The following TNS1 variants were observed in gnomAD, a reference collection of about 807,000 sequenced individuals.
The protein encoded by TNS1 is tensin-1.
Under a neutral mutation model 168.6 loss-of-function variants are expected in TNS1, and 62 were observed. That is an observed-to-expected ratio of 0.37 (90% CI 0.30 to 0.45). TNS1 has a LOEUF of 0.45. Ranked by LOEUF, TNS1 falls within the 20% of genes least tolerant of loss-of-function variation. TNS1 has a pLI of 1.00. For synonymous variants in TNS1, 934 were observed against 933.2 expected (o/e 1.00, Z -0.02); for missense variants, 2,240 against 2,339.4 (o/e 0.96, Z 0.88).
At position 217,847,549 on chromosome 2, in the gene TNS1, G is replaced by A; in HGVS notation, c.2968C>T (p.Pro990Ser). 1 of 1,474,104 alleles carries A rather than the reference G, an allele frequency of 6.8e-7. No homozygotes were observed. The highest frequency in any genetic ancestry group is 2.2e-5 in the Admixed American group (1 of 44,830). 91.3% of individuals were successfully genotyped at this position (1,474,104 alleles called of 1,614,324 possible). A position where few individuals can be genotyped will look rare whatever the true frequency, so the allele number is the denominator to read the frequency against. Reference sequence around the variant, plus strand: ...GCCACCAGCCCTTCTAAATTCAATGGCTCCTCCTCTGGAGTCCGGGAGGGG... The same window carrying A: ...GCCACCAGCCCTTCTAAATTCAATGACTCCTCCTCTGGAGTCCGGGAGGGG... ...SDPSRTPEEEPLNLEGLVAHR... is the reference protein window; with the variant it reads ...SDPSRTPEEESLNLEGLVAHR... Residue 990 changes from proline to serine, a missense_variant, in exon 19 of 33, where the codon CCA (proline) becomes TCA (serine). By Grantham distance (74) the Pro-to-Ser change is moderately conservative. This residue lies in a region of TNS1 where 2,131 missense variants were observed against 2,171.2 expected (regional missense o/e 0.98). Transcript: ENST00000682258.
intron 3 of TNS1, among the ~76,000 whole-genome samples, chr2:217,927,995 G>T (rs1188550050): frequency 2.6e-5 from 4 of 152,166 alleles, no homozygotes; most frequent in Admixed American, 6.5e-5. Context: ...AGCACTTCAG[G>T]GCTCACACCA....
At chr2:217,821,117 G>A (rs563033063) in intron 23 of TNS1, among the ~76,000 whole-genome samples, 8 of 152,152 alleles carry the variant, frequency 5.3e-5, no homozygotes, top group South Asian at 4.2e-4. Flanking sequence ...CCCTTGTTCT[G>A]AGCTCCAAGC....
At chr2:217,843,707 C>T (rs1027640613) in intron 19 of TNS1, among the ~76,000 whole-genome samples, 3 of 152,162 alleles carry the variant, frequency 2.0e-5, no homozygotes, top group African/African-American at 4.8e-5. Flanking sequence ...AAACCCTTTA[C>T]CATCTTGACT....
rs917371018 is a variant in TNS1, at chr2:217,831,426, C to T, written c.3373+29G>A. The T allele has an allele frequency of 1.0e-5, 16 of 1,543,986 alleles. No homozygotes were observed. In the African/African-American group the frequency reaches 2.2e-4, roughly 21 times the overall value. On this transcript the variant is annotated intron_variant, in intron 22 of 32. Transcript: ENST00000682258. The stretch of plus-strand genomic sequence containing the variant: ...CAGGAGTCCTCCTCCCCCTGGCCCC[C>T]CTCCCCATCTTCCCTCTTCCCAACT...
chr2:218,013,191 G>A (rs1420013700), upstream of TNS1, among the ~76,000 whole-genome samples: 1 of 151,956 alleles, frequency 6.6e-6, no homozygotes, highest in African/African-American at 2.4e-5. Flanking sequence ...AGGAGGCGGA[G>A]GTTGCAGTGA....
intron 18 of TNS1, among the ~76,000 whole-genome samples, chr2:217,866,863 G>A (rs1260190434): frequency 6.6e-6 from 1 of 152,186 alleles, no homozygotes; most frequent in Non-Finnish European, 1.5e-5. Context: ...GGACAGGCAG[G>A]CTTCCCACTT....
rs1020730038 is a variant in TNS1, at chr2:217,804,351, G to A, written c.*108C>T. The A allele has an allele frequency of 1.5e-5, 21 of 1,425,350 alleles. No homozygotes were observed. Among genetic ancestry groups the A allele is most frequent in the East Asian group, 4.8e-5 (2 of 42,008 alleles). The allele number at this position is 1,425,350 out of a possible 1,614,324, so 88.3% of individuals were successfully genotyped here. On this transcript the variant is annotated 3_prime_UTR_variant, in exon 33 of 33. Coordinates refer to ENST00000682258, the MANE Select transcript of TNS1 (RefSeq NM_001387777.1). The stretch of plus-strand genomic sequence containing the variant: ...CACGTTGCACTTTCTTCTCTCCTCC[G>A]AAATTGGCCCAAAGTCCTCCTTCTG...
In TNS1 at chr2:217,885,064, C is replaced by G. The variant is rs1181035293; in HGVS notation, c.1217G>C (p.Gly406Ala). Reference sequence around the variant, plus strand: ...GAAAGCATCATCAAGGTCCTCCTTCCCAAAGACAACCCCCAGGTCATGGAT... The same window carrying G: ...GAAAGCATCATCAAGGTCCTCCTTCGCAAAGACAACCCCCAGGTCATGGAT... Reference protein sequence around the residue: ...CAIHDLGVVFGKEDLDDAFKD... With the variant: ...CAIHDLGVVFAKEDLDDAFKD... The change falls in exon 16 of 33, where the codon GGG becomes GCG. Residue 406 changes from glycine to alanine, a missense_variant. Around this residue, in one of 2 missense-constraint regions of TNS1, gnomAD observed 2,131 missense variants for 2,171.2 expected, o/e 0.98. Coordinates refer to ENST00000682258, the MANE Select transcript of TNS1 (RefSeq NM_001387777.1). 1 of 1,614,256 alleles carries G rather than the reference C, an allele frequency of 6.2e-7. No individual in the cohort carries two copies. Among genetic ancestry groups the G allele is most frequent in the African/African-American group, 1.3e-5 (1 of 75,064 alleles).
chr2:217,884,079 T>G (rs1299920934), intron 16 of TNS1, among the ~76,000 whole-genome samples: 1 of 130,506 alleles, frequency 7.7e-6, no homozygotes, highest in Non-Finnish European at 1.5e-5. Flanking sequence ...TTCATATCTA[T>G]AGGGTCTAGC....
At chr2:217,832,487 C>T (rs1044975626) in intron 21 of TNS1, among the ~76,000 whole-genome samples, 1 of 152,176 alleles carries the variant, frequency 6.6e-6, no homozygotes, top group Non-Finnish European at 1.5e-5. Flanking sequence ...CTCCTATCAA[C>T]GACATTGGGA....
At chr2:217,974,420 A>G (rs927904913) in intron 3 of TNS1, among the ~76,000 whole-genome samples, 3 of 152,146 alleles carry the variant, frequency 2.0e-5, no homozygotes, top group African/African-American at 7.2e-5. Context: ...AGAAAGGAAG[A>G]CTTGTTTCTC....
At chr2:217,933,035 C>T (rs1273664989) in intron 3 of TNS1, among the ~76,000 whole-genome samples, 1 of 152,198 alleles carries the variant, frequency 6.6e-6, no homozygotes, top group African/African-American at 2.4e-5. Context: ...CATCTGGGGC[C>T]GAGTGGCGGG....
chr2:217,850,990 A>T (rs540317423), intron 18 of TNS1, among the ~76,000 whole-genome samples: 57 of 152,298 alleles, frequency 3.7e-4, no homozygotes, highest in African/African-American at 1.3e-3. Flanking sequence ...AGTAAGGGAG[A>T]AACTGAGCCT....
At chr2:217,840,405 C>A (rs1311035874) in intron 19 of TNS1, among the ~76,000 whole-genome samples, 1 of 152,236 alleles carries the variant, frequency 6.6e-6, no homozygotes, top group Non-Finnish European at 1.5e-5. Context: ...CCACAAGGTC[C>A]AGGGCATGTC....
rs1168869136 is a variant in TNS1, at chr2:217,804,455, G to A, written c.*4C>T. Reference sequence around the variant, plus strand: ...TGGCACTGGCCCTGGGCAAGGGGCAGGGTTCATCTCTTTTGGCCGGCATTC... The same window carrying A: ...TGGCACTGGCCCTGGGCAAGGGGCAAGGTTCATCTCTTTTGGCCGGCATTC... On this transcript the variant is annotated 3_prime_UTR_variant, in exon 33 of 33. Transcript: ENST00000682258. 2 of 1,614,090 alleles carry A rather than the reference G, an allele frequency of 1.2e-6. No homozygotes were observed. The highest frequency in any genetic ancestry group is 1.7e-5 in the Admixed American group (1 of 60,014).
intron 3 of TNS1, among the ~76,000 whole-genome samples, chr2:217,947,284 TG>T (rs1318666268): frequency 1.3e-5 from 2 of 151,354 alleles, no homozygotes; most frequent in Non-Finnish European, 2.9e-5. Flanking sequence ...CGATGGAACT[TG>T]GGGGAGGGAG....
chr2:217,830,483 T>C (rs1455294617), intron 22 of TNS1: 2 of 1,476,676 alleles, frequency 1.4e-6, no homozygotes, highest in Non-Finnish European at 1.9e-6. Context: ...TGGCCCCACA[T>C]GGCCACCAAG....
intron 3 of TNS1, among the ~76,000 whole-genome samples, chr2:217,926,926 C>T (rs1381822366): frequency 6.6e-6 from 1 of 152,232 alleles, no homozygotes; most frequent in Admixed American, 6.5e-5. Flanking sequence ...GGGACAGGGC[C>T]CATGCTGTGG....
intron 25 of TNS1, among the ~76,000 whole-genome samples, chr2:217,814,612 A>G (rs1387126503): frequency 6.6e-6 from 1 of 152,190 alleles, no homozygotes; most frequent in African/African-American, 2.4e-5. Flanking sequence ...AACCTCCCAC[A>G]TCAGGCAGAC....
Sources: gnomAD v4.1 joint callset for allele counts (sites outside exome capture counted in the v4.1 genomes callset) on GRCh38, gnomAD v4.1.1 for gene constraint, gnomAD v4.1.1 regional missense constraint, MANE v1.5 for transcripts, NCBI Gene and HGNC (gene_info 2026-07-23, HGNC 2026-07-21) for gene names.